Variants in CPA6 observed in about 807,000 individuals in gnomAD.
CPA6 encodes carboxypeptidase B.
In CPA6, 58 loss-of-function variants were observed where a neutral mutation model predicts 63.3. The observed-to-expected ratio is 0.92, with a 90% confidence interval of 0.74 to 1.14. The LOEUF (loss-of-function observed/expected upper bound fraction) is 1.14, where lower values mean the gene tolerates loss of function less well. CPA6 is among the 50% of genes most tolerant of loss of function. The pLI is 0.00. For missense variants in CPA6, 565 were observed against 526.6 expected (o/e 1.07, Z -0.71); for synonymous variants, 185 against 179.0 (o/e 1.03, Z -0.27).
intron 2 of CPA6, among the ~76,000 whole-genome samples, chr8:67,592,837 T>C (rs1222970290): frequency 6.6e-6 from 1 of 152,182 alleles, no homozygotes; most frequent in East Asian, 1.9e-4. Flanking sequence ...AAAAACCAGC[T>C]CCTGGATTCA....
chr8:67,708,292 T>C (rs1018169799), intron 1 of CPA6, among the ~76,000 whole-genome samples: 1 of 152,226 alleles, frequency 6.6e-6, no homozygotes, highest in Non-Finnish European at 1.5e-5. Context: ...AAGTTTATTC[T>C]GCAAACAAAT....
chr8:67,431,352 T>C (rs1358790817), intron 9 of CPA6, among the ~76,000 whole-genome samples: 2 of 152,056 alleles, frequency 1.3e-5, no homozygotes, highest in South Asian at 2.1e-4. Context: ...GTGATTCTCC[T>C]GCCTCAGCCT....
intron 1 of CPA6, among the ~76,000 whole-genome samples, chr8:67,734,967 G>T (rs1817784910): frequency 6.6e-6 from 1 of 152,152 alleles, no homozygotes; most frequent in Non-Finnish European, 1.5e-5. Flanking sequence ...TCCAGCTTCT[G>T]TAAGTGCAAA....
At chr8:67,491,502 C>A (rs901534043) in intron 6 of CPA6, among the ~76,000 whole-genome samples, 6 of 151,948 alleles carry the variant, frequency 3.9e-5, no homozygotes, top group African/African-American at 1.5e-4. Flanking sequence ...TCTACATTTT[C>A]TAATAAGAAA....
chr8:67,552,987 A>G (rs1463881099), intron 2 of CPA6, among the ~76,000 whole-genome samples: 1 of 152,072 alleles, frequency 6.6e-6, no homozygotes, highest in Non-Finnish European at 1.5e-5. Context: ...GAAATTACAA[A>G]ATGCTAATGT....
At chr8:67,472,289 C>T (rs183718793) in intron 8 of CPA6, among the ~76,000 whole-genome samples, 59 of 140,136 alleles carry the variant, frequency 4.2e-4, no homozygotes, top group African/African-American at 1.4e-3. Flanking sequence ...TCTGCCACCT[C>T]CCCCATGTCT....
intron 6 of CPA6, among the ~76,000 whole-genome samples, chr8:67,496,355 TTAATA>T (rs1811709756): frequency 2.0e-5 from 3 of 151,896 alleles, no homozygotes. Context: ...GTTGAACTGA[TTAATA>T]TAAATATCTT....
intron 9 of CPA6, among the ~76,000 whole-genome samples, chr8:67,432,691 T>C (rs1810054173): frequency 6.6e-6 from 1 of 152,186 alleles, no homozygotes; most frequent in Non-Finnish European, 1.5e-5. Flanking sequence ...CTCAAATGTC[T>C]GGACTCAAAT....
intron 1 of CPA6, among the ~76,000 whole-genome samples, chr8:67,685,296 T>A (rs1256123056): frequency 1.3e-5 from 2 of 152,200 alleles, no homozygotes; most frequent in Non-Finnish European, 2.9e-5. Flanking sequence ...GGATCTTAAC[T>A]TTTTGTATGT....
At chr8:67,581,994 T>C (rs1813784750) in intron 2 of CPA6, among the ~76,000 whole-genome samples, 1 of 152,256 alleles carries the variant, frequency 6.6e-6, no homozygotes, top group South Asian at 2.1e-4. Flanking sequence ...AAAATAGTAC[T>C]AGAGTTATTA....
rs551657410 is a variant in CPA6, at chr8:67,538,677, C to G, written c.193-20630G>C. 5.9e-5 allele frequency among the ~76,000 whole-genome samples: 9 copies of G among 151,550 alleles called. No homozygotes were observed. The South Asian group carries it at 1.9e-3, about 32-fold the overall frequency. ...ATTTGTCAGTCTGTGTCTTTTTTTTCTTGACGGAGTCTTGCTCTGTTGCCG... is the reference window on the plus strand; with the variant it reads ...ATTTGTCAGTCTGTGTCTTTTTTTTGTTGACGGAGTCTTGCTCTGTTGCCG... On this transcript the variant is annotated intron_variant, in intron 2 of 10. Transcript: ENST00000297770.
intron 1 of CPA6, among the ~76,000 whole-genome samples, chr8:67,721,073 GA>G (rs550222840): frequency 1.2e-4 from 18 of 152,326 alleles, no homozygotes; most frequent in African/African-American, 4.3e-4. Context: ...ACAAATGTTT[GA>G]ATAAATCAAA....
chr8:67,673,091 T>C (rs918894931), intron 1 of CPA6, among the ~76,000 whole-genome samples: 2 of 152,064 alleles, frequency 1.3e-5, no homozygotes, highest in Non-Finnish European at 2.9e-5. Flanking sequence ...AGATGAACTG[T>C]GGAAAAGAAC....
At chr8:67,670,294 C>G (rs557601817) in intron 1 of CPA6, among the ~76,000 whole-genome samples, 1 of 152,264 alleles carries the variant, frequency 6.6e-6, no homozygotes, top group Non-Finnish European at 1.5e-5. Context: ...GGGAAGCAGG[C>G]AGGTCTTACC....
Position 67,577,169 on chromosome 8 carries a change from G to A in CPA6, c.192+47007C>T, listed in dbSNP as rs547270742. On this transcript the variant is annotated intron_variant, in intron 2 of 10. Coordinates refer to ENST00000297770, the MANE Select transcript of CPA6 (RefSeq NM_020361.5). Reference sequence around the variant, plus strand: ...CTAGCCCAGCCTGAGTCATTTAAACGGAATCCCATTTAACCCAAACTAATT... The same window carrying A: ...CTAGCCCAGCCTGAGTCATTTAAACAGAATCCCATTTAACCCAAACTAATT... Among the ~76,000 whole-genome samples, 161 of 152,100 alleles carry A rather than the reference G, an allele frequency of 1.1e-3. 1 individual carries two copies. The highest frequency in any genetic ancestry group is 3.8e-3 in the African/African-American group (156 of 41,488).
At chr8:67,656,549 C>A (rs436151) in intron 1 of CPA6, among the ~76,000 whole-genome samples, 2 of 152,060 alleles carry the variant, frequency 1.3e-5, no homozygotes, top group Non-Finnish European at 2.9e-5. Flanking sequence ...GTGAGCCTGA[C>A]CTTATGACCA....
At chr8:67,556,437 G>A (rs894563178) in intron 2 of CPA6, among the ~76,000 whole-genome samples, 2 of 152,144 alleles carry the variant, frequency 1.3e-5, no homozygotes, top group Middle Eastern at 3.2e-3. Flanking sequence ...GAAGGTGAAC[G>A]AGGGGAGACT....
At chr8:67,476,508 C>T (rs1053909582) in intron 8 of CPA6, among the ~76,000 whole-genome samples, 7 of 151,494 alleles carry the variant, frequency 4.6e-5, no homozygotes, top group Admixed American at 2.6e-4. Flanking sequence ...GGGGATCTTC[C>T]GCTACTTCCT....
At chr8:67,572,012 C>G in intron 2 of CPA6, among the ~76,000 whole-genome samples, 1 of 151,682 alleles carries the variant, frequency 6.6e-6, no homozygotes, top group Admixed American at 6.6e-5. Flanking sequence ...ACTGACACCG[C>G]AGAAATACAA....
Sources: gnomAD v4.1 joint callset for allele counts (sites outside exome capture counted in the v4.1 genomes callset) on GRCh38, gnomAD v4.1.1 for gene constraint, MANE v1.5 for transcripts, NCBI Gene and HGNC (gene_info 2026-07-23, HGNC 2026-07-21) for gene names.